Variants in FAM3B observed in about 807,000 individuals in gnomAD.
The protein encoded by FAM3B is FAM3 metabolism regulating signaling molecule B.
A neutral mutation model predicts 28.4 loss-of-function variants in FAM3B; 29 were observed. The ratio of observed to expected loss-of-function variants is 1.02; its 90% CI spans 0.76 to 1.39. The LOEUF (loss-of-function observed/expected upper bound fraction) is 1.39, where lower values mean the gene tolerates loss of function less well. FAM3B is among the 40% of genes most tolerant of loss of function. FAM3B has a pLI of 0.00. For missense variants in FAM3B, 266 were observed against 293.9 expected, an observed-to-expected ratio of 0.91 and a Z score of 0.69; for synonymous variants, 91 against 103.0, an observed-to-expected ratio of 0.88 and a Z score of 0.71.
chr21:41,336,415 G>A (rs145499806), intron 2 of FAM3B, among the ~76,000 whole-genome samples: 2 of 152,314 alleles, frequency 1.3e-5, no homozygotes, highest in African/African-American at 4.8e-5. Context: ...CCAGCTACTT[G>A]GGAGGGTGAG....
chr21:41,354,203 T>C (rs969554263), intron 7 of FAM3B, among the ~76,000 whole-genome samples: 1 of 148,372 alleles, frequency 6.7e-6, no homozygotes, highest in South Asian at 2.1e-4. Context: ...TGTAAATTAG[T>C]TCAACCTTTG....
intron 1 of FAM3B, among the ~76,000 whole-genome samples, chr21:41,309,396 C>G (rs1245404589): frequency 6.6e-6 from 1 of 152,192 alleles, no homozygotes; most frequent in Non-Finnish European, 1.5e-5. Flanking sequence ...GTGCCAGGGT[C>G]TCTTCCTTGC....
At chr21:41,339,569 AC>A (rs1400711624) in intron 3 of FAM3B, among the ~76,000 whole-genome samples, 3 of 152,118 alleles carry the variant, frequency 2.0e-5, no homozygotes, top group Admixed American at 6.5e-5. Context: ...CAGGAGTCTT[AC>A]CCCCTTAAGT....
upstream of FAM3B, chr21:41,316,672 C>G (rs897779302): frequency 7.4e-6 from 3 of 403,190 alleles, no homozygotes; most frequent in Non-Finnish European, 1.3e-5. Context: ...GCCCGGGGCA[C>G]AGCCCCGCGC....
chr21:41,339,158 G>A (rs2088982057), intron 3 of FAM3B, among the ~76,000 whole-genome samples: 1 of 152,178 alleles, frequency 6.6e-6, no homozygotes, highest in East Asian at 1.9e-4. Flanking sequence ...AATATTTGGT[G>A]TGATTTCCCA....
At chr21:41,331,297 G>A (rs1336194577) in intron 2 of FAM3B, among the ~76,000 whole-genome samples, 13 of 152,010 alleles carry the variant, frequency 8.6e-5, no homozygotes, top group Non-Finnish European at 1.9e-4. Context: ...TTGTTTTCTT[G>A]TTATTGGTTC....
chr21:41,321,162 G>A (rs560870317), intron 1 of FAM3B, among the ~76,000 whole-genome samples: 2 of 152,244 alleles, frequency 1.3e-5, no homozygotes, highest in East Asian at 3.9e-4. Context: ...TACAGGGCAC[G>A]GCCTTTTCCT....
intron 7 of FAM3B, among the ~76,000 whole-genome samples, chr21:41,355,003 G>C (rs2145836794): frequency 6.6e-6 from 1 of 152,198 alleles, no homozygotes; most frequent in African/African-American, 2.4e-5. Flanking sequence ...ATTTAAAAAT[G>C]GACAAAGTTG....
intron 7 of FAM3B, among the ~76,000 whole-genome samples, chr21:41,354,942 A>G (rs1281865350): frequency 6.6e-6 from 1 of 152,234 alleles, no homozygotes; most frequent in African/African-American, 2.4e-5. Context: ...ACCTGAATCT[A>G]GAATACATAA....
rs780413328 is a variant in FAM3B at position 41,345,707 on chromosome 21, C to A, written c.368C>A (p.Ala123Glu). Reference protein sequence around the residue: ...IVNYVTGNVTATRCFDMYEGD... With the variant: ...IVNYVTGNVTETRCFDMYEGD... ...TCAGATGTAACTGGGAATGTGACAGCAACACGATGTTTTGATATGTATGAA... is the reference window on the plus strand; with the variant it reads ...TCAGATGTAACTGGGAATGTGACAGAAACACGATGTTTTGATATGTATGAA... The change falls in exon 5 of 8, where the codon GCA becomes GAA. Residue 123 changes from alanine to glutamate, a missense_variant. Ala to Glu is a moderately radical substitution (Grantham distance 107, BLOSUM62 -1). Transcript: ENST00000357985. 2 of 1,545,554 alleles carry A rather than the reference C, an allele frequency of 1.3e-6. No homozygotes were observed. Among genetic ancestry groups the A allele is most frequent in the South Asian group, 1.2e-5 (1 of 80,472 alleles).
upstream of FAM3B, among the ~76,000 whole-genome samples, chr21:41,312,956 G>A (rs1374376000): frequency 2.0e-5 from 3 of 152,290 alleles, no homozygotes; most frequent in East Asian, 5.8e-4. Flanking sequence ...AGGGCAGAGT[G>A]TAGCGAGTGG....
intron 7 of FAM3B, among the ~76,000 whole-genome samples, chr21:41,353,041 A>G (rs1196273355): frequency 1.3e-5 from 2 of 152,208 alleles, no homozygotes; most frequent in African/African-American, 4.8e-5. Context: ...CCTGAAGATG[A>G]AATTCAGAAA....
At chr21:41,348,022 A>G (rs1011397049) in intron 6 of FAM3B, among the ~76,000 whole-genome samples, 4 of 152,230 alleles carry the variant, frequency 2.6e-5, no homozygotes, top group Non-Finnish European at 4.4e-5. Flanking sequence ...TCCTTGGCAC[A>G]TACTTTGAAA....
intron 1 of FAM3B, among the ~76,000 whole-genome samples, chr21:41,321,716 T>C (rs1459423894): frequency 6.6e-6 from 1 of 152,210 alleles, no homozygotes; most frequent in Non-Finnish European, 1.5e-5. Context: ...GCTGAAGCGC[T>C]GGGCCTCCAA....
intron 2 of FAM3B, among the ~76,000 whole-genome samples, chr21:41,335,087 G>T (rs1284276252): frequency 6.6e-6 from 1 of 152,190 alleles, no homozygotes; most frequent in Non-Finnish European, 1.5e-5. Context: ...CCCACTGCTT[G>T]TACCTCCATT....
chr21:41,314,872 A>G (rs969563656), upstream of FAM3B, among the ~76,000 whole-genome samples: 3 of 152,192 alleles, frequency 2.0e-5, no homozygotes, highest in Non-Finnish European at 4.4e-5. Flanking sequence ...GGAAAACAGT[A>G]TGGTGATTCC....
intron 2 of FAM3B, among the ~76,000 whole-genome samples, chr21:41,337,556 C>T (rs903700616): frequency 6.6e-6 from 1 of 152,220 alleles, no homozygotes; most frequent in Admixed American, 6.5e-5. Context: ...CTCAGTTCCT[C>T]ACACTCAAGT....
At chr21:41,341,141 A>G (rs1452717445) in intron 3 of FAM3B, among the ~76,000 whole-genome samples, 1 of 152,012 alleles carries the variant, frequency 6.6e-6, no homozygotes, top group African/African-American at 2.4e-5. Flanking sequence ...TTCACTTAAC[A>G]GTTAATAGAG....
intron 1 of FAM3B, among the ~76,000 whole-genome samples, chr21:41,304,773 A>C (rs2088673643): frequency 6.6e-6 from 1 of 152,118 alleles, no homozygotes; most frequent in Non-Finnish European, 1.5e-5. Flanking sequence ...CCCTGAAAAC[A>C]TTGGGAGCCA....
Sources: gnomAD v4.1 joint callset for allele counts (sites outside exome capture counted in the v4.1 genomes callset) on GRCh38, gnomAD v4.1.1 for gene constraint, MANE v1.5 for transcripts, NCBI Gene and HGNC (gene_info 2026-07-23, HGNC 2026-07-21) for gene names.